The following ARHGAP28 variants were observed in gnomAD, a reference collection of about 807,000 sequenced individuals.
ARHGAP28 encodes rho GTPase-activating protein 28.
A neutral mutation model predicts 90.7 loss-of-function variants in ARHGAP28; 56 were observed. That is an observed-to-expected ratio of 0.62 (90% CI 0.50 to 0.77). The LOEUF (loss-of-function observed/expected upper bound fraction) is 0.77. Among genes scored for constraint, ARHGAP28 ranks in the 30% least tolerant of loss-of-function variants. The pLI is 0.00. For missense variants in ARHGAP28, 869 were observed against 900.9 expected (o/e 0.96, Z 0.45); for synonymous variants, 308 against 323.3 (o/e 0.95, Z 0.51).
rs1243221610 is a variant in ARHGAP28 at position 6,887,226 on chromosome 18, G to C, written c.1523G>C (p.Arg508Thr). 1 of 1,614,100 alleles carries C rather than the reference G, an allele frequency of 6.2e-7. No individual in the cohort carries two copies. Among genetic ancestry groups the C allele is most frequent in the South Asian group, 1.1e-5 (1 of 91,082 alleles). Residue 508 changes from arginine to threonine, a missense_variant, in exon 12 of 18, where the codon AGA becomes ACA. Physicochemically the swap from Arg to Thr is moderately conservative, Grantham distance 71. Coordinates refer to ENST00000383472, the MANE Select transcript of ARHGAP28 (RefSeq NM_001366230.1). ...LMVMALPDAN[R>T]DAAQALMTFF... is the part of the protein sequence containing the mutation. ...GTCATGGCGCTGCCTGATGCCAACA[G>C]AGATGCAGCTCAGGTACGTCGTGTC...
intron 12 of ARHGAP28, among the ~76,000 whole-genome samples, chr18:6,888,657 T>A (rs760303335): frequency 8.5e-5 from 13 of 152,224 alleles, no homozygotes; most frequent in Non-Finnish European, 1.6e-4. Context: ...AAAAAATTCA[T>A]CTGTTATCAA....
chr18:6,833,713 C>T (rs1447493367), intron 2 of ARHGAP28, among the ~76,000 whole-genome samples: 5 of 152,084 alleles, frequency 3.3e-5, no homozygotes, highest in Non-Finnish European at 1.5e-5. Flanking sequence ...CAATCACTTA[C>T]TTAAGGTGAT....
At chr18:6,837,453 T>C in intron 3 of ARHGAP28, 39 bp downstream of exon 3, 1 of 1,364,200 alleles carries the variant, frequency 7.3e-7, no homozygotes, top group South Asian at 1.2e-5. Context: ...AGGCGCCTAG[T>C]TTGACTGGGG....
intron 3 of ARHGAP28, among the ~76,000 whole-genome samples, chr18:6,841,170 CTCTCTCTCTCCTCTCTCTCT>C (rs2056812142): frequency 1.2e-5 from 1 of 81,126 alleles, no homozygotes; most frequent in Non-Finnish European, 2.5e-5. Context: ...TCTCTCTCCT[CTCTCTCTCTCCTCTCTCTCT>C]CTCTCTCTCT....
chr18:6,768,540 C>T (rs2056217624), intron 1 of ARHGAP28, among the ~76,000 whole-genome samples: 1 of 151,980 alleles, frequency 6.6e-6, no homozygotes, highest in Non-Finnish European at 1.5e-5. Flanking sequence ...GCCTCCCAGC[C>T]CTTTAGGAGC....
intron 11 of ARHGAP28, among the ~76,000 whole-genome samples, chr18:6,884,867 G>T (rs939993165): frequency 2.6e-5 from 4 of 152,174 alleles, no homozygotes; most frequent in Admixed American, 1.3e-4. Context: ...TTTAAGAAGG[G>T]TATATGAATA....
At chr18:6,866,793 G>A (rs76829928) in intron 5 of ARHGAP28, among the ~76,000 whole-genome samples, 22,296 of 152,106 alleles carry the variant, frequency 0.15, 2,009 homozygotes, top group Middle Eastern at 0.23. Context: ...AGAAAATTAA[G>A]ATAATGACAC....
At chr18:6,803,396 A>G (rs2143639909) in intron 1 of ARHGAP28, among the ~76,000 whole-genome samples, 1 of 152,222 alleles carries the variant, frequency 6.6e-6, no homozygotes, top group Non-Finnish European at 1.5e-5. Flanking sequence ...ATTATTTTTC[A>G]AACGTTAAAT....
At chr18:6,871,596 G>A (rs192564294) in intron 7 of ARHGAP28, among the ~76,000 whole-genome samples, 35 of 152,254 alleles carry the variant, frequency 2.3e-4, no homozygotes, top group Admixed American at 1.0e-3. Context: ...AATAGAGAAC[G>A]ATGTAACATT....
At chr18:6,840,844 A>G (rs1012320949) in intron 3 of ARHGAP28, among the ~76,000 whole-genome samples, 3 of 152,318 alleles carry the variant, frequency 2.0e-5, no homozygotes, top group African/African-American at 4.8e-5. Flanking sequence ...TAAGTTTGGC[A>G]TTGTATAAGC....
chr18:6,834,237 A>G lies in ARHGAP28; in HGVS notation c.326-2960A>G, dbSNP rs539881726. Among the ~76,000 whole-genome samples the G allele has an allele frequency of 2.6e-5, 4 of 152,290 alleles. No homozygotes were observed. The South Asian group carries it at 6.2e-4, about 24-fold the overall frequency. ...AAGAGAAAGTAATTAATGAAATAAT[A>G]TAAATATATTTGGAGGAGAAAATTA... On this transcript the variant is annotated intron_variant, in intron 2 of 17. Coordinates refer to ENST00000383472, the MANE Select transcript of ARHGAP28 (RefSeq NM_001366230.1).
chr18:6,771,400 C>A (rs1440234995), intron 1 of ARHGAP28, among the ~76,000 whole-genome samples: 1 of 152,076 alleles, frequency 6.6e-6, no homozygotes, highest in East Asian at 1.9e-4. Flanking sequence ...TAAGATAGTT[C>A]TTGTCCTCTC....
chr18:6,911,478 C>A (rs2057399081), intron 17 of ARHGAP28, among the ~76,000 whole-genome samples: 1 of 151,642 alleles, frequency 6.6e-6, no homozygotes, highest in Admixed American at 6.6e-5. Context: ...CTCTGTCACC[C>A]AGGCTGGAGT....
chr18:6,827,273 G>A, intron 2 of ARHGAP28, among the ~76,000 whole-genome samples: 1 of 151,346 alleles, frequency 6.6e-6, no homozygotes, highest in East Asian at 2.0e-4. Context: ...GCCGGGCTGA[G>A]GCGCCCCTCA....
At chr18:6,870,864 G>A (rs529686750) in intron 7 of ARHGAP28, 132 bp downstream of exon 7, 187 of 919,268 alleles carry the variant, frequency 2.0e-4, no homozygotes, top group Admixed American at 6.5e-4. Flanking sequence ...GCAGTGGCGC[G>A]ATCTCGGCTC....
intron 1 of ARHGAP28, among the ~76,000 whole-genome samples, chr18:6,792,948 C>A (rs1446023420): frequency 3.3e-5 from 5 of 152,192 alleles, no homozygotes; most frequent in Admixed American, 3.3e-4. Flanking sequence ...GTATGATGCT[C>A]ACATTTGCCT....
At chr18:6,826,161 T>C (rs1299235611) in intron 2 of ARHGAP28, among the ~76,000 whole-genome samples, 2 of 151,428 alleles carry the variant, frequency 1.3e-5, no homozygotes, top group African/African-American at 4.9e-5. Context: ...GTTTTGATAG[T>C]AGCCATTCTG....
chr18:6,863,805 G>A (rs901016805), intron 5 of ARHGAP28, among the ~76,000 whole-genome samples: 41 of 143,362 alleles, frequency 2.9e-4, no homozygotes, highest in Admixed American at 2.3e-3. Flanking sequence ...TTTTTTTGAC[G>A]GAGTTTTGCT....
chr18:6,741,159 A>G (rs1408464102), intron 1 of ARHGAP28, among the ~76,000 whole-genome samples: 2 of 152,204 alleles, frequency 1.3e-5, no homozygotes, highest in Non-Finnish European at 2.9e-5. Flanking sequence ...TTTCATTAGC[A>G]TCTTAAAAAA....
Sources: gnomAD v4.1 joint callset for allele counts (sites outside exome capture counted in the v4.1 genomes callset) on GRCh38, gnomAD v4.1.1 for gene constraint, MANE v1.5 for transcripts, NCBI Gene and HGNC (gene_info 2026-07-23, HGNC 2026-07-21) for gene names.